Variants in XYLT1 observed in about 807,000 individuals in gnomAD.
XYLT1 encodes beta-D-xylosyltransferase 1.
A neutral mutation model predicts 91.3 loss-of-function variants in XYLT1; 36 were observed. That is an observed-to-expected ratio of 0.39 (90% CI 0.30 to 0.52). The LOEUF (loss-of-function observed/expected upper bound fraction) is 0.52, where lower values mean the gene tolerates loss of function less well. Ranked by LOEUF, XYLT1 falls within the 20% of genes least tolerant of loss-of-function variation. The pLI, the probability that XYLT1 is intolerant of heterozygous loss-of-function variation, is 0.68. For synonymous variants in XYLT1, 588 were observed against 532.0 expected, an observed-to-expected ratio of 1.11 and a Z score of -1.45; for missense variants, 1,242 against 1,284.5, an observed-to-expected ratio of 0.97 and a Z score of 0.51.
At chr16:17,394,879 G>A (rs2035864224) in intron 1 of XYLT1, among the ~76,000 whole-genome samples, 2 of 152,322 alleles carry the variant, frequency 1.3e-5, no homozygotes, top group Admixed American at 6.5e-5. Flanking sequence ...TCAACACTTT[G>A]GGAGGCCAAG....
intron 2 of XYLT1, among the ~76,000 whole-genome samples, chr16:17,317,163 A>T (rs949992843): frequency 6.6e-6 from 1 of 151,824 alleles, no homozygotes; most frequent in African/African-American, 2.4e-5. Context: ...GCAGCAATAA[A>T]CTGTGATCTG....
At chr16:17,202,562 C>T (rs537136673) in intron 3 of XYLT1, among the ~76,000 whole-genome samples, 1 of 152,254 alleles carries the variant, frequency 6.6e-6, no homozygotes, top group East Asian at 1.9e-4. Context: ...TGATCTGGAA[C>T]GCCCTCTCCC....
chr16:17,177,835 A>G (rs1029493741), intron 5 of XYLT1, among the ~76,000 whole-genome samples: 1 of 152,234 alleles, frequency 6.6e-6, no homozygotes, highest in African/African-American at 2.4e-5. Context: ...CACTCTGGGA[A>G]ATCTTTGAGA....
rs536407634 is a variant in XYLT1, at chr16:17,466,407, T to A, written c.363+4027A>T. On this transcript the variant is annotated intron_variant, in intron 1 of 11. Coordinates refer to ENST00000261381, the MANE Select transcript of XYLT1 (RefSeq NM_022166.4). ...GGGGCAGACTCTTATGTCAGAGATA[T>A]GCCTAAGGATATCTTTGCTTTCTGA... Among the ~76,000 whole-genome samples the A allele has an allele frequency of 2.6e-4, 39 of 152,160 alleles. 1 individual carries two copies. Among genetic ancestry groups the A allele is most frequent in the African/African-American group, 9.2e-4 (38 of 41,428 alleles).
intron 5 of XYLT1, among the ~76,000 whole-genome samples, chr16:17,190,626 A>C (rs2032289446): frequency 6.6e-6 from 1 of 152,108 alleles, no homozygotes; most frequent in Non-Finnish European, 1.5e-5. Context: ...ACATGAACTC[A>C]TCCTTTTTTA....
chr16:17,447,179 C>A (rs1315215501), intron 1 of XYLT1, among the ~76,000 whole-genome samples: 1 of 152,184 alleles, frequency 6.6e-6, no homozygotes, highest in Non-Finnish European at 1.5e-5. Flanking sequence ...AACCAAGCGG[C>A]CTGCTATTTA....
chr16:17,197,499 G>C (rs1046173817), intron 5 of XYLT1, among the ~76,000 whole-genome samples: 1 of 152,178 alleles, frequency 6.6e-6, no homozygotes, highest in Non-Finnish European at 1.5e-5. Context: ...AGGATGCAAA[G>C]TACTGTTTCT....
intron 1 of XYLT1, among the ~76,000 whole-genome samples, chr16:17,458,558 T>G (rs1462030681): frequency 6.6e-6 from 1 of 152,118 alleles, no homozygotes; most frequent in Non-Finnish European, 1.5e-5. Context: ...TCCTAACATC[T>G]AACTTTAATC....
At chr16:17,346,714 C>T (rs1328519872) in intron 2 of XYLT1, among the ~76,000 whole-genome samples, 1 of 152,148 alleles carries the variant, frequency 6.6e-6, no homozygotes, top group South Asian at 2.1e-4. Context: ...GGCCAGTGAA[C>T]GTGGAGACTG....
At position 17,470,726 on chromosome 16, in the gene XYLT1, A is replaced by G; in HGVS notation, c.71T>C (p.Val24Ala). 8.7e-7 allele frequency: 1 copy of G among 1,149,948 alleles called. No individual in the cohort carries two copies. The highest frequency in any genetic ancestry group is 1.1e-6 in the Non-Finnish European group (1 of 918,350). The allele number at this position is 1,149,948 out of a possible 1,614,324, so 71.2% of individuals were successfully genotyped here. Residue 24 changes from valine (V) to alanine (A), a missense_variant, in exon 1 of 12, where the codon GTG becomes GCG. Val to Ala is a moderately conservative substitution (Grantham distance 64, BLOSUM62 0). Transcript: ENST00000261381. ...SHSALLAALT[V>A]LLLQTLVVWN... is the part of the protein sequence containing the mutation. ...CACGACCAGCGTCTGCAGCAGCAGC[A>G]CCGTGAGCGCCGCGAGCAGCGCCGA...
At chr16:17,140,726 T>C (rs181824637) in intron 7 of XYLT1, among the ~76,000 whole-genome samples, 5 of 145,934 alleles carry the variant, frequency 3.4e-5, no homozygotes, top group Admixed American at 3.4e-4. Context: ...GGTCAGCATA[T>C]ACAGTTGTGC....
At chr16:17,150,869 G>A (rs2031265047) in intron 6 of XYLT1, among the ~76,000 whole-genome samples, 2 of 152,260 alleles carry the variant, frequency 1.3e-5, no homozygotes, top group Middle Eastern at 3.4e-3. Flanking sequence ...CAGGTGGCAT[G>A]CAAGCTCAAA....
intron 1 of XYLT1, among the ~76,000 whole-genome samples, chr16:17,385,028 G>A (rs181933038): frequency 6.6e-6 from 1 of 151,918 alleles, no homozygotes; most frequent in East Asian, 2.0e-4. Context: ...CCTGATTTTA[G>A]GTGACTGCAG....
At chr16:17,189,150 C>G (rs925523576) in intron 5 of XYLT1, among the ~76,000 whole-genome samples, 5 of 152,108 alleles carry the variant, frequency 3.3e-5, no homozygotes, top group Non-Finnish European at 7.4e-5. Flanking sequence ...CCTCAAAGCA[C>G]CCCAAGATTG....
Position 17,198,400 on chromosome 16 carries a change from C to A in XYLT1, c.1101G>T (p.Leu367=), listed in dbSNP as rs1172335684. 6.2e-7 allele frequency: 1 copy of A among 1,614,090 alleles called. No homozygotes were observed. Reference sequence around the variant, plus strand: ...TGGAGACCTGGAGCACTTGCCGATGCAGGTAATTAGAGCGCTTTTCCCAGG... The same window carrying A: ...TGGAGACCTGGAGCACTTGCCGATGAAGGTAATTAGAGCGCTTTTCCCAGG... ...YIHVDKRSNY[L]HRQVLQVSRQ... The change falls in exon 5 of 12, where the codon CTG becomes CTT. Residue 367 remains leucine, a synonymous_variant. Coordinates refer to ENST00000261381, the MANE Select transcript of XYLT1 (RefSeq NM_022166.4).
At chr16:17,423,653 A>C (rs1297204087) in intron 1 of XYLT1, among the ~76,000 whole-genome samples, 1 of 151,654 alleles carries the variant, frequency 6.6e-6, no homozygotes, top group East Asian at 1.9e-4. Context: ...CTCTGTCACC[A>C]GGCTGGAGTG....
At chr16:17,238,432 C>T (rs2033282566) in intron 3 of XYLT1, among the ~76,000 whole-genome samples, 1 of 152,226 alleles carries the variant, frequency 6.6e-6, no homozygotes, top group Non-Finnish European at 1.5e-5. Context: ...TGCACAGTTT[C>T]TGTTGCAACC....
rs903901616 is a variant in XYLT1, at chr16:17,295,093, A to G, written c.403-35595T>C. On this transcript the variant is annotated intron_variant, in intron 2 of 11. Coordinates refer to ENST00000261381, the MANE Select transcript of XYLT1 (RefSeq NM_022166.4). ...GGTGGTCAAGGCAGGCTTTAGACTG[A>G]AAAGGTGAGGTATAAGCAAAGACTC... 2.0e-5 allele frequency among the ~76,000 whole-genome samples: 3 copies of G among 152,154 alleles called. No homozygotes were observed. The East Asian group carries it at 5.8e-4, about 29-fold the overall frequency.
intron 2 of XYLT1, among the ~76,000 whole-genome samples, chr16:17,285,997 A>G (rs2034135251): frequency 1.3e-5 from 2 of 152,016 alleles, no homozygotes; most frequent in Non-Finnish European, 2.9e-5. Flanking sequence ...TGTTATGCCA[A>G]TATCAACATA....
Sources: gnomAD v4.1 joint callset for allele counts (sites outside exome capture counted in the v4.1 genomes callset) on GRCh38, gnomAD v4.1.1 for gene constraint, MANE v1.5 for transcripts, NCBI Gene and HGNC (gene_info 2026-07-23, HGNC 2026-07-21) for gene names.